CNTNAP2: variants seen among roughly 807,000 people sequenced by gnomAD.
CNTNAP2 encodes the protein contactin associated protein 2, also known as contactin-associated protein-like 2.
In CNTNAP2, 98 loss-of-function variants were observed where a neutral mutation model predicts 155.2. The ratio of observed to expected loss-of-function variants is 0.63; its 90% confidence interval spans 0.54 to 0.75. The LOEUF (loss-of-function observed/expected upper bound fraction) is 0.75. Among genes scored for constraint, CNTNAP2 ranks in the 30% least tolerant of loss-of-function variants. The probability of loss-of-function intolerance (pLI) is 0.00; values close to 1 mark genes in which losing one functional copy is unlikely to be tolerated. For missense variants in CNTNAP2, 1,727 were observed against 1,688.1 expected, an observed-to-expected ratio of 1.02 and a Z score of -0.40; for synonymous variants, 651 against 631.2, an observed-to-expected ratio of 1.03 and a Z score of -0.47.
intron 1 of CNTNAP2, among the ~76,000 whole-genome samples, chr7:146,761,184 C>G (rs1177747098): frequency 1.3e-5 from 2 of 152,086 alleles, no homozygotes; most frequent in Non-Finnish European, 2.9e-5. Context: ...ACAACACAAC[C>G]CTTACGTCCA....
chr7:146,281,038 A>G (rs2129084856), intron 1 of CNTNAP2, among the ~76,000 whole-genome samples: 1 of 152,278 alleles, frequency 6.6e-6, no homozygotes, highest in Middle Eastern at 3.4e-3. Context: ...CTCTGTGAGG[A>G]TGAGGGTTGA....
chr7:146,916,390 A>G (rs554606708), intron 3 of CNTNAP2, among the ~76,000 whole-genome samples: 5 of 152,050 alleles, frequency 3.3e-5, no homozygotes, highest in East Asian at 1.9e-4. Context: ...AATATTGTCA[A>G]TAAGATTGGT....
chr7:148,281,144 G>T (rs770392897), intron 21 of CNTNAP2, among the ~76,000 whole-genome samples: 1 of 152,108 alleles, frequency 6.6e-6, no homozygotes, highest in Non-Finnish European at 1.5e-5. Flanking sequence ...GTAGAGATTA[G>T]GAAATATGTG....
chr7:147,388,008 G>C (rs1442613073), intron 9 of CNTNAP2, among the ~76,000 whole-genome samples: 1 of 152,068 alleles, frequency 6.6e-6, no homozygotes, highest in Non-Finnish European at 1.5e-5. Flanking sequence ...GCTATTGGAG[G>C]AGCTTTCTAT....
chr7:148,067,611 A>T (rs1803292312), intron 15 of CNTNAP2, among the ~76,000 whole-genome samples: 1 of 152,240 alleles, frequency 6.6e-6, no homozygotes, highest in Non-Finnish European at 1.5e-5. Context: ...TCCAGCCAAG[A>T]GGTGGCACTT....
chr7:147,043,982 C>T lies in CNTNAP2; in HGVS notation c.478C>T (p.Arg160Cys). Reference protein sequence around the residue: ...LQHPIIARYVRIVPLDWNGEG... With the variant: ...LQHPIIARYVCIVPLDWNGEG... ...GCATCCGATTATTGCCCGCTATGTGCGCATAGTGCCTCTGGATTGGAATGG... is the reference window on the plus strand; with the variant it reads ...GCATCCGATTATTGCCCGCTATGTGTGCATAGTGCCTCTGGATTGGAATGG... Residue 160 changes from arginine to cysteine, a missense_variant, in exon 4 of 24, where the codon CGC becomes TGC. Physicochemically the swap from Arg to Cys is radical, Grantham distance 180. Transcript: ENST00000361727. 2.5e-6 allele frequency: 4 copies of T among 1,614,132 alleles called. No individual in the cohort carries two copies. The highest frequency in any genetic ancestry group is 2.5e-6 in the Non-Finnish European group (3 of 1,180,010).
intron 1 of CNTNAP2, among the ~76,000 whole-genome samples, chr7:146,387,765 C>T (rs999166869): frequency 2.0e-5 from 3 of 152,112 alleles, no homozygotes; most frequent in African/African-American, 7.2e-5. Context: ...CCTCAACCTC[C>T]TGGGCTGAGG....
intron 3 of CNTNAP2, among the ~76,000 whole-genome samples, chr7:146,950,658 G>A (rs1308524702): frequency 6.6e-6 from 1 of 152,148 alleles, no homozygotes; most frequent in East Asian, 1.9e-4. Flanking sequence ...ATTCCATGGT[G>A]TATATGTGCC....
rs76745019 is a variant in CNTNAP2 at position 146,136,682 on chromosome 7, G to C, written c.97+19709G>C. On this transcript the variant is annotated intron_variant, in intron 1 of 23. Transcript: ENST00000361727. ...TTGGTTTGGTTCTTTAGTAGGTGGG[G>C]CCCCTAAGAACCTGAGTAATGTCCC... is the stretch of plus-strand genomic sequence containing the variant. Among the ~76,000 whole-genome samples the C allele has an allele frequency of 4.6e-5, 7 of 152,038 alleles. No homozygotes were observed. In the South Asian group the frequency reaches 1.3e-3, roughly 27 times the overall value.
intron 21 of CNTNAP2, among the ~76,000 whole-genome samples, chr7:148,338,964 C>G (rs545410161): frequency 6.6e-6 from 1 of 152,272 alleles, no homozygotes; most frequent in South Asian, 2.1e-4. Context: ...ACAGGAAAAT[C>G]AGAAAACATT....
In CNTNAP2 at chr7:146,793,696, G is replaced by A. The variant is rs145256512; in HGVS notation, c.208+19315G>A. Among the ~76,000 whole-genome samples, 23 of 152,342 alleles carry A rather than the reference G, an allele frequency of 1.5e-4. No homozygotes were observed. In the East Asian group the frequency reaches 3.3e-3, roughly 22 times the overall value. ...GGGGTTCCCCCTGGGTGTCTGAAAT[G>A]TAGCATTCAGCACTAGCTCCAGCCT... On this transcript the variant is annotated intron_variant, in intron 2 of 23. Coordinates refer to ENST00000361727, the MANE Select transcript of CNTNAP2 (RefSeq NM_014141.6).
intron 1 of CNTNAP2, among the ~76,000 whole-genome samples, chr7:146,215,102 G>A (rs1799093439): frequency 6.6e-6 from 1 of 152,086 alleles, no homozygotes; most frequent in Non-Finnish European, 1.5e-5. Context: ...ACATGGAAAG[G>A]AAATTTTTAG....
intron 1 of CNTNAP2, among the ~76,000 whole-genome samples, chr7:146,165,285 A>G (rs1798296180): frequency 6.6e-6 from 1 of 152,202 alleles, no homozygotes; most frequent in Non-Finnish European, 1.5e-5. Flanking sequence ...ACTAAAAAAG[A>G]AACCAAAGTT....
rs1208940679 is a variant in CNTNAP2, at chr7:146,455,217, G to A, written c.98-319054G>A. Among the ~76,000 whole-genome samples, 3 of 152,198 alleles carry A rather than the reference G, an allele frequency of 2.0e-5. No individual in the cohort carries two copies. In the East Asian group the frequency reaches 5.8e-4, roughly 29 times the overall value. ...ATCAATCATGGCAAATACCCTTGCAGAGAACAGTATCTCTCTATAAGGACA... is the reference window on the plus strand; with the variant it reads ...ATCAATCATGGCAAATACCCTTGCAAAGAACAGTATCTCTCTATAAGGACA... On this transcript the variant is annotated intron_variant, in intron 1 of 23. Transcript: ENST00000361727.
intron 1 of CNTNAP2, among the ~76,000 whole-genome samples, chr7:146,314,028 T>C (rs1189097853): frequency 6.6e-6 from 1 of 151,510 alleles, no homozygotes; most frequent in Non-Finnish European, 1.5e-5. Context: ...TATATATAAA[T>C]TGATATTTGT....
intron 1 of CNTNAP2, among the ~76,000 whole-genome samples, chr7:146,688,704 GGATGTAT>G (rs1800645887): frequency 6.6e-6 from 1 of 152,126 alleles, no homozygotes; most frequent in African/African-American, 2.4e-5. Flanking sequence ...CAGGCCATCT[GGATGTAT>G]ACGTGCAGGT....
At chr7:146,535,230 ATTATATCATATATC>A (rs1479366797) in intron 1 of CNTNAP2, among the ~76,000 whole-genome samples, 4 of 39,676 alleles carry the variant, frequency 1.0e-4, no homozygotes, top group African/African-American at 2.4e-4. Flanking sequence ...TATCATATAT[ATTATATCATATATC>A]ATATATATGA....
intron 12 of CNTNAP2, among the ~76,000 whole-genome samples, chr7:147,587,048 A>G (rs1386889816): frequency 6.6e-6 from 1 of 152,162 alleles, no homozygotes; most frequent in East Asian, 1.9e-4. Flanking sequence ...ATTTGGACAG[A>G]GGCATCCCCA....
intron 8 of CNTNAP2, among the ~76,000 whole-genome samples, chr7:147,214,177 C>G (rs898577948): frequency 6.6e-6 from 1 of 152,060 alleles, no homozygotes; most frequent in African/African-American, 2.4e-5. Flanking sequence ...TTACCTTTAC[C>G]CACTCACATA....
Sources: gnomAD v4.1 joint callset for allele counts (sites outside exome capture counted in the v4.1 genomes callset) on GRCh38, gnomAD v4.1.1 for gene constraint, MANE v1.5 for transcripts, NCBI Gene and HGNC (gene_info 2026-07-23, HGNC 2026-07-21) for gene names.